INSR: variants seen among roughly 807,000 people sequenced by gnomAD.
The protein encoded by INSR is insulin receptor, also known as IR.
In INSR, 67 loss-of-function variants were observed where a neutral mutation model predicts 142.6. That is an observed-to-expected ratio of 0.47 (90% CI 0.39 to 0.58). The LOEUF (loss-of-function observed/expected upper bound fraction) is 0.58. INSR is among the 20% of genes least tolerant of loss of function. INSR has a pLI of 0.00. For synonymous variants in INSR, 756 were observed against 743.1 expected, an observed-to-expected ratio of 1.02 and a Z score of -0.28; for missense variants, 1,248 against 1,833.2, an observed-to-expected ratio of 0.68 and a Z score of 5.83.
At chr19:7,197,168 T>G (rs965304648) in intron 2 of INSR, among the ~76,000 whole-genome samples, 1 of 152,212 alleles carries the variant, frequency 6.6e-6, no homozygotes, top group Admixed American at 6.5e-5. Context: ...CCCTTTTCCT[T>G]GCCTGACAAT....
At chr19:7,210,130 A>C (rs1457405509) in intron 2 of INSR, among the ~76,000 whole-genome samples, 3 of 151,978 alleles carry the variant, frequency 2.0e-5, no homozygotes, top group Admixed American at 2.0e-4. Context: ...GGATCACCTG[A>C]GGTCAGGAGT....
intron 21 of INSR, among the ~76,000 whole-genome samples, chr19:7,118,413 A>G (rs1972392202): frequency 6.6e-6 from 1 of 151,660 alleles, no homozygotes. Flanking sequence ...TGCCTCCCCG[A>G]TTCAAGCAAT....
At chr19:7,153,676 C>A (rs558227394) in intron 9 of INSR, among the ~76,000 whole-genome samples, 1 of 152,080 alleles carries the variant, frequency 6.6e-6, no homozygotes, top group Admixed American at 6.6e-5. Flanking sequence ...TATGATTGCA[C>A]CCCTACACTT....
In INSR at chr19:7,238,228, A is replaced by G. The variant is rs191532786; in HGVS notation, c.652+29117T>C. Among the ~76,000 whole-genome samples the G allele has an allele frequency of 3.7e-3, 563 of 151,534 alleles. 2 individuals are homozygous for G. Among genetic ancestry groups the G allele is most frequent in the South Asian group, 8.4e-3 (40 of 4,776 alleles). ...CAAAAGCAAATGAAATAATAGAGGG[A>G]AAAAAAAAGCACCAAGTTCCTGGAC... On this transcript the variant is annotated intron_variant, in intron 2 of 21. Coordinates refer to ENST00000302850, the MANE Select transcript of INSR (RefSeq NM_000208.4).
rs117318909 is a variant in INSR at position 7,289,947 on chromosome 19, C to T, written c.100+3845G>A. Among the ~76,000 whole-genome samples the T allele has an allele frequency of 3.0e-3, 456 of 152,268 alleles. 3 individuals carry two copies. Among genetic ancestry groups the T allele is most frequent in the Non-Finnish European group, 4.9e-3 (336 of 68,024 alleles). On this transcript the variant is annotated intron_variant, in intron 1 of 21. Coordinates refer to ENST00000302850, the MANE Select transcript of INSR (RefSeq NM_000208.4). ...GGAATGATCCAGCCCCAAATGTCAG[C>T]AGTGCCAAGATTGAGAGTTCTGCTT...
Position 7,141,759 on chromosome 19 carries a change from A to G in INSR, c.2600T>C (p.Val867Ala). Residue 867 changes from valine to alanine, a missense_variant, in exon 13 of 22, where the codon GTC becomes GCC. Val to Ala is a moderately conservative substitution (Grantham distance 64, BLOSUM62 0). Coordinates refer to ENST00000302850, the MANE Select transcript of INSR (RefSeq NM_000208.4). ...CTTCGGCTCCTGCCACATCAAGTGG[A>G]CGACGTTGTTCTCAAAGATTTCATG... ...VTHEIFENNV[V>A]HLMWQEPKEP... The G allele has an allele frequency of 1.9e-6, 3 of 1,614,218 alleles. No individual in the cohort carries two copies. The highest frequency in any genetic ancestry group is 2.5e-6 in the Non-Finnish European group (3 of 1,180,044).
At position 7,154,591 on chromosome 19, in the gene INSR, T is replaced by C. The variant is rs369714455; in HGVS notation, c.2030-1664A>G. 2.2e-3 allele frequency among the ~76,000 whole-genome samples: 326 copies of C among 147,888 alleles called. 4 individuals carry two copies. The highest frequency in any genetic ancestry group is 8.1e-3 in the Admixed American group (121 of 14,886). ...TGCTGGGATTACAGGCGTGAGCCAC[T>C]GCACCCGGCCCACAATTACTTTTGC... On this transcript the variant is annotated intron_variant, in intron 9 of 21. Coordinates refer to ENST00000302850, the MANE Select transcript of INSR (RefSeq NM_000208.4).
intron 11 of INSR, among the ~76,000 whole-genome samples, chr19:7,144,319 C>G (rs1177539767): frequency 6.6e-6 from 1 of 152,158 alleles, no homozygotes; most frequent in Non-Finnish European, 1.5e-5. Flanking sequence ...AGCATGTGTT[C>G]CCTGCAGAAA....
At chr19:7,123,449 A>C (rs974880518) in intron 17 of INSR, among the ~76,000 whole-genome samples, 1 of 151,778 alleles carries the variant, frequency 6.6e-6, no homozygotes, top group East Asian at 1.9e-4. Context: ...GATTATAGCC[A>C]CTGCACCCAG....
At chr19:7,276,917 G>A (rs950790530) in intron 1 of INSR, among the ~76,000 whole-genome samples, 3 of 152,068 alleles carry the variant, frequency 2.0e-5, no homozygotes, top group Non-Finnish European at 2.9e-5. Context: ...TTTTAGTAGA[G>A]ACAGGGTTTT....
intron 2 of INSR, among the ~76,000 whole-genome samples, chr19:7,185,841 CAAA>C (rs754262409): frequency 1.2e-3 from 55 of 45,052 alleles, no homozygotes; most frequent in African/African-American, 2.9e-3. Context: ...AAAATTCTGT[CAAA>C]AAAAAAAAAA....
Position 7,120,748 on chromosome 19 carries a change from G to A in INSR, c.3531C>T (p.Asp1177=). The change falls in exon 20 of 22, where the codon GAC becomes GAT. Residue 1177 remains aspartate (D), a splice_region_variant and synonymous_variant. Transcript: ENST00000302850. ...VAHDFTVKIG[D]FGMTRDIYET... The stretch of plus-strand genomic sequence containing the variant: ...CATAGATGTCTCTGGTCATTCCAAA[G>A]TCTGACAACACAAAAGGTTCACACG... The A allele has an allele frequency of 1.9e-6, 3 of 1,613,834 alleles. No homozygotes were observed. Among genetic ancestry groups the A allele is most frequent in the Non-Finnish European group, 2.5e-6 (3 of 1,179,830 alleles).
chr19:7,132,246 C>T lies in INSR; in HGVS notation c.2754G>A (p.Pro918=), dbSNP rs148994508. The T allele has an allele frequency of 5.9e-5, 95 of 1,614,200 alleles. No homozygotes were observed. The Middle Eastern group carries it at 1.3e-3, about 22-fold the overall frequency. Residue 918 remains proline, a synonymous_variant, in exon 14 of 22, where the codon CCG becomes CCA. Transcript: ENST00000302850. ...CCCGGATTCGCACGCTGTAGTTCCC[C>T]GGTGACAGCCCACGCAGCCTGCAGC... ...ERGCRLRGLS[P]GNYSVRIRAT...
At chr19:7,167,394 T>C (rs1255044693) in intron 7 of INSR, among the ~76,000 whole-genome samples, 3 of 152,064 alleles carry the variant, frequency 2.0e-5, no homozygotes, top group African/African-American at 7.2e-5. Flanking sequence ...CTGGCCAACA[T>C]GGCAAAACCC....
intron 7 of INSR, among the ~76,000 whole-genome samples, chr19:7,167,568 C>CTA (rs1313668166): frequency 5.2e-5 from 7 of 134,780 alleles, no homozygotes; most frequent in Non-Finnish European, 1.1e-4. Flanking sequence ...GAGCAAGACT[C>CTA]TGTCTCAAAA....
intron 2 of INSR, among the ~76,000 whole-genome samples, chr19:7,190,732 G>A (rs527455699): frequency 3.3e-5 from 5 of 152,112 alleles, no homozygotes; most frequent in Admixed American, 6.6e-5. Context: ...AACTCTGTAG[G>A]GAGATGTTGA....
chr19:7,157,424 A>ATTTT (rs56136465), intron 9 of INSR, among the ~76,000 whole-genome samples: 1,913 of 115,084 alleles, frequency 0.017, 208 homozygotes, highest in African/African-American at 0.054. Context: ...CGATTTTTGT[A>ATTTT]TTTTTTTTTT....
intron 1 of INSR, among the ~76,000 whole-genome samples, chr19:7,289,405 C>CTTTTTTTTTTT (rs777933899): frequency 7.7e-6 from 1 of 130,222 alleles, no homozygotes; most frequent in East Asian, 2.2e-4. Context: ...TTTTTCTTTT[C>CTTTTTTTTTTT]TTTTTTTTTT....
In INSR at chr19:7,119,334, A is replaced by G; in HGVS notation, c.3794+115T>C. 1 of 1,182,872 alleles carries G rather than the reference A, an allele frequency of 8.5e-7. No homozygotes were observed. The highest frequency in any genetic ancestry group is 1.3e-6 in the Non-Finnish European group (1 of 790,612). The allele number at this position is 1,182,872 out of a possible 1,614,324, so 73.3% of individuals were successfully genotyped here. A position where few individuals can be genotyped will look rare whatever the true frequency, so the allele number is the denominator to read the frequency against. The stretch of plus-strand genomic sequence containing the variant: ...AAACACAAACACACCTGTAACATAC[A>G]GCATGCAAACACGGTGAGCGTGTAG... On this transcript the variant is annotated intron_variant, in intron 21 of 21. Coordinates refer to ENST00000302850, the MANE Select transcript of INSR (RefSeq NM_000208.4). The surrounding 1 kb of genome is among the most constrained non-coding windows in gnomAD (Gnocchi z 5.2).
Sources: allele counts gnomAD v4.1 joint callset (sites outside exome capture counted in the v4.1 genomes callset), GRCh38; gene constraint gnomAD v4.1.1; non-coding constraint Gnocchi (gnomAD v3.1); transcripts MANE v1.5; gene names NCBI Gene and HGNC (gene_info 2026-07-23, HGNC 2026-07-21).